VPS13C: variants seen among roughly 807,000 people sequenced by gnomAD.
VPS13C encodes intermembrane lipid transfer protein VPS13C.
A neutral mutation model predicts 456.8 loss-of-function variants in VPS13C; 358 were observed. That is an observed-to-expected ratio of 0.78 (90% CI 0.72 to 0.86). VPS13C has a LOEUF of 0.86. Among genes scored for constraint, VPS13C ranks in the 40% least tolerant of loss-of-function variants. VPS13C has a pLI of 0.00. For synonymous variants in VPS13C, 1,578 were observed against 1,486.7 expected, an observed-to-expected ratio of 1.06 and a Z score of -1.41; for missense variants, 4,818 against 4,385.4, an observed-to-expected ratio of 1.10 and a Z score of -2.79.
chr15:61,858,530 T>C lies in VPS13C; in HGVS notation c.10953-2121A>G, dbSNP rs765324321. On this transcript the variant is annotated intron_variant, in intron 82 of 84. Transcript: ENST00000644861. This position sits in a 1 kb window ranked among gnomAD's most constrained non-coding sequence, Gnocchi z 4.4. ...GGTAGACAGAATTCTAAGACAAGTC[T>C]CCAAGATTCCCCAACCCTGGTATAT... Among the ~76,000 whole-genome samples the C allele has an allele frequency of 1.6e-4, 25 of 152,114 alleles. No homozygotes were observed. The highest frequency in any genetic ancestry group is 3.4e-4 in the Non-Finnish European group (23 of 68,024).
intron 15 of VPS13C, among the ~76,000 whole-genome samples, chr15:62,006,429 T>C (rs1271742604): frequency 2.0e-5 from 3 of 152,146 alleles, no homozygotes; most frequent in Non-Finnish European, 2.9e-5. Context: ...ACAAGGGACA[T>C]GAACTCATCA....
chr15:61,863,629 T>A (rs915864423), intron 81 of VPS13C, 101 bp from the exon 82 acceptor site: 8 of 685,690 alleles, frequency 1.2e-5, no homozygotes, highest in South Asian at 2.4e-5. Flanking sequence ...TAGGAAAAAA[T>A]TAATTAGAAA....
chr15:61,984,321 C>T (rs2045972332), intron 19 of VPS13C, among the ~76,000 whole-genome samples: 1 of 152,216 alleles, frequency 6.6e-6, no homozygotes, highest in African/African-American at 2.4e-5. Flanking sequence ...ATGAACTCCT[C>T]TCCCTATTTC....
chr15:61,982,239 T>C (rs1284604332), intron 21 of VPS13C, among the ~76,000 whole-genome samples: 1 of 152,234 alleles, frequency 6.6e-6, no homozygotes, highest in Non-Finnish European at 1.5e-5. Context: ...TTAACTGTAA[T>C]GGCAGGAAGA....
Position 62,014,006 on chromosome 15 carries a change from G to C in VPS13C, c.685-14C>G, listed in dbSNP as rs558738141. On this transcript the variant is annotated splice_polypyrimidine_tract_variant and intron_variant, in intron 9 of 84. Coordinates refer to ENST00000644861, the MANE Select transcript of VPS13C (RefSeq NM_020821.3). ...TTCATTTGCAGTCTAAAAGAAAAAA[G>C]GGAATACCTGTGAAACGTGGTATGG... 4 of 1,602,662 alleles carry C rather than the reference G, an allele frequency of 2.5e-6. No individual in the cohort carries two copies. Among genetic ancestry groups the C allele is most frequent in the Non-Finnish European group, 3.4e-6 (4 of 1,173,064 alleles).
At chr15:61,883,616 G>A (rs1453194840) in intron 68 of VPS13C, among the ~76,000 whole-genome samples, 2 of 152,082 alleles carry the variant, frequency 1.3e-5, no homozygotes, top group Non-Finnish European at 2.9e-5. Context: ...TAAGGGCCTA[G>A]GTGGAGTGCA....
chr15:62,060,243 C>T (rs1470822053), intron 1 of VPS13C, 32 bp downstream of exon 1: 2 of 1,389,260 alleles, frequency 1.4e-6, no homozygotes, highest in Non-Finnish European at 2.0e-6. Context: ...CCCTCAGCGC[C>T]CGCAGCCCAC....
Position 61,911,854 on chromosome 15 carries a change from T to C in VPS13C, c.8701A>G (p.Ile2901Val). The C allele has an allele frequency of 1.2e-6, 2 of 1,609,362 alleles. No individual in the cohort carries two copies. The highest frequency in any genetic ancestry group is 1.1e-5 in the South Asian group (1 of 89,796). The change falls in exon 63 of 85, where the codon ATT (isoleucine) becomes GTT (valine). Residue 2901 changes from isoleucine to valine, a missense_variant. Ile to Val is a conservative substitution (Grantham distance 29). Transcript: ENST00000644861. Reference protein sequence around the residue: ...GSMPTNKWNYIASSECLPFWP... With the variant: ...GSMPTNKWNYVASSECLPFWP... ...AAAAATGCTACCTCTGAAGAAGCAA[T>C]ATAGTTCCATTTATTAGTTGGCATT...
At chr15:61,998,184 A>G (rs1426272435) in intron 16 of VPS13C, among the ~76,000 whole-genome samples, 1 of 152,130 alleles carries the variant, frequency 6.6e-6, no homozygotes, top group Non-Finnish European at 1.5e-5. Flanking sequence ...CCTTTCCCTT[A>G]GATATCTTTC....
chr15:61,937,042 T>G (rs1248055273), intron 47 of VPS13C, among the ~76,000 whole-genome samples: 1 of 152,142 alleles, frequency 6.6e-6, no homozygotes, highest in African/African-American at 2.4e-5. Context: ...CTGTCCCATT[T>G]CCCTATCTTC....
At chr15:61,946,046 T>C (rs1167788717) in intron 44 of VPS13C, among the ~76,000 whole-genome samples, 164 bp from the exon 45 acceptor site, 1 of 152,168 alleles carries the variant, frequency 6.6e-6, no homozygotes, top group African/African-American at 2.4e-5. Context: ...CAATAACTTC[T>C]TCCTATTTCT....
chr15:61,865,970 C>A, intron 81 of VPS13C: 1 of 983,796 alleles, frequency 1.0e-6, no homozygotes, highest in Non-Finnish European at 1.2e-6. Flanking sequence ...TAGAATTTGG[C>A]CATATTACAA....
chr15:61,931,363 T>G, intron 49 of VPS13C, 104 bp from the exon 50 acceptor site: 5 of 1,210,654 alleles, frequency 4.1e-6, no homozygotes, highest in Non-Finnish European at 5.6e-6. Context: ...ACTGATCTCA[T>G]GAATTTTAAA....
At chr15:61,987,589 A>T (rs1436982132) in intron 18 of VPS13C, among the ~76,000 whole-genome samples, 1 of 152,174 alleles carries the variant, frequency 6.6e-6, no homozygotes, top group African/African-American at 2.4e-5. Flanking sequence ...TGAGGGGCGG[A>T]TTATGGGGAT....
At chr15:62,029,167 C>T (rs2047731565) in intron 5 of VPS13C, among the ~76,000 whole-genome samples, 1 of 152,030 alleles carries the variant, frequency 6.6e-6, no homozygotes, top group Non-Finnish European at 1.5e-5. Context: ...AATTATTTAA[C>T]TTTCACTTTC....
intron 16 of VPS13C, among the ~76,000 whole-genome samples, chr15:61,993,115 G>C (rs946666053): frequency 6.6e-6 from 1 of 152,064 alleles, no homozygotes; most frequent in African/African-American, 2.4e-5. Flanking sequence ...AATGCAACCA[G>C]AAACTTCAAG....
In VPS13C at chr15:61,873,251, G is replaced by A; in HGVS notation, c.10573C>T (p.Leu3525=). The A allele has an allele frequency of 6.2e-7, 1 of 1,613,362 alleles. No homozygotes were observed. Among genetic ancestry groups the A allele is most frequent in the Non-Finnish European group, 8.5e-7 (1 of 1,179,564 alleles). The change falls in exon 78 of 85, where the codon CTG becomes TTG. Residue 3525 remains leucine, a synonymous_variant. Transcript: ENST00000644861. ...AGATTCAGCAAAGAACTTACTCGCA[G>A]AAAGCCCTTTCCTCCTCTGGCCAGG... ...DSLARGGKGF[L]RGVVGGVTGI... is the part of the protein sequence containing the mutation.
Position 61,911,859 on chromosome 15 carries a change from T to C in VPS13C, c.8696A>G (p.Asn2899Ser), listed in dbSNP as rs369473424. The C allele has an allele frequency of 8.7e-6, 14 of 1,610,186 alleles. No individual in the cohort carries two copies. In the South Asian group the frequency reaches 1.1e-4, roughly 13 times the overall value. ...TGCTACCTCTGAAGAAGCAATATAG[T>C]TCCATTTATTAGTTGGCATTGAGCC... ...SDGSMPTNKWNYIASSECLPF... is the reference protein window; with the variant it reads ...SDGSMPTNKWSYIASSECLPF... The change falls in exon 63 of 85, where the codon AAC (asparagine) becomes AGC (serine). Residue 2899 changes from asparagine to serine, a missense_variant. Asn to Ser is a conservative substitution (Grantham distance 46). Around this residue, in one of 3 missense-constraint regions of VPS13C, gnomAD observed 4,552 missense variants for 4,130.6 expected, o/e 1.10. Transcript: ENST00000644861.
At chr15:62,043,414 T>C (rs568809664) in intron 2 of VPS13C, among the ~76,000 whole-genome samples, 51 of 152,302 alleles carry the variant, frequency 3.3e-4, no homozygotes, top group Non-Finnish European at 6.9e-4. Flanking sequence ...CAGACCAGCC[T>C]GGCCAACATG....
Sources: allele counts gnomAD v4.1 joint callset (sites outside exome capture counted in the v4.1 genomes callset), GRCh38; gene constraint gnomAD v4.1.1; regional missense constraint gnomAD v4.1.1; non-coding constraint Gnocchi (gnomAD v3.1); transcripts MANE v1.5; gene names NCBI Gene and HGNC (gene_info 2026-07-23, HGNC 2026-07-21).